The following CELSR1 variants were observed in gnomAD, a reference collection of about 807,000 sequenced individuals.
CELSR1 encodes the protein cadherin EGF LAG seven-pass G-type receptor 1.
Under a neutral mutation model 249.1 loss-of-function variants are expected in CELSR1, and 110 were observed. The observed-to-expected ratio is 0.44, with a 90% confidence interval of 0.38 to 0.52. CELSR1 has a LOEUF of 0.52. Among genes scored for constraint, CELSR1 ranks in the 20% least tolerant of loss-of-function variants. CELSR1 has a pLI of 0.00. For missense variants in CELSR1, 4,109 were observed against 4,296.4 expected, an observed-to-expected ratio of 0.96 and a Z score of 1.22; for synonymous variants, 2,113 against 1,900.0, an observed-to-expected ratio of 1.11 and a Z score of -2.92.
At chr22:46,493,010 G>A (rs536365812) in intron 1 of CELSR1, among the ~76,000 whole-genome samples, 3 of 152,306 alleles carry the variant, frequency 2.0e-5, no homozygotes, top group South Asian at 2.1e-4. Flanking sequence ...TTGGGAAACC[G>A]AGATGGGAGG....
Position 46,534,990 on chromosome 22 carries a change from G to T in CELSR1, c.2181C>A (p.Gly727=). 7 of 1,611,922 alleles carry T rather than the reference G, an allele frequency of 4.3e-6. No individual in the cohort carries two copies. The highest frequency in any genetic ancestry group is 5.9e-6 in the Non-Finnish European group (7 of 1,179,458). The change falls in exon 1 of 35, where the codon GGC becomes GGA. Residue 727 remains glycine (G), a synonymous_variant. Coordinates refer to ENST00000674500, the MANE Select transcript of CELSR1 (RefSeq NM_001378328.1). This position sits in a 1 kb window ranked among gnomAD's most constrained non-coding sequence, Gnocchi z 9.7. The part of the protein sequence containing the change: ...NSVITYQLTG[G]NTRNRFALSS... ...TGAGTGCAAAGCGGTTCCGGGTGTT[G>T]CCGCCTGTGAGCTGGTAGGTAATCA... is the stretch of plus-strand genomic sequence containing the variant.
At chr22:46,485,259 T>C (rs34533451) in intron 1 of CELSR1, among the ~76,000 whole-genome samples, 37 of 152,138 alleles carry the variant, frequency 2.4e-4, no homozygotes, top group Non-Finnish European at 4.4e-4. Context: ...TCGTTTCCAG[T>C]ATTCAAAGAC....
Position 46,439,172 on chromosome 22 carries a change from G to A in CELSR1, c.4406+17C>T, listed in dbSNP as rs746847370. 28 of 1,604,512 alleles carry A rather than the reference G, an allele frequency of 1.7e-5. No homozygotes were observed. Among genetic ancestry groups the A allele is most frequent in the Admixed American group, 6.7e-5 (4 of 59,656 alleles). On this transcript the variant is annotated intron_variant, in intron 3 of 34. Coordinates refer to ENST00000674500, the MANE Select transcript of CELSR1 (RefSeq NM_001378328.1). The stretch of plus-strand genomic sequence containing the variant: ...CCTAAAGAGACCCCCGTGTGGCGCG[G>A]CGGGACGCACACTCACGTGAGGGAG...
Position 46,365,253 on chromosome 22 carries a change from G to C in CELSR1, c.8532C>G (p.Gly2844=). ...CACCTTTGGGGGTGCTGTGGACGGC[G>C]CCCCTGGCCGGGTCCCATTTTTCCT... is the stretch of plus-strand genomic sequence containing the variant. The part of the protein sequence containing the change: ...GAEEKWDPAR[G]AVHSTPKGDA... Residue 2844 remains glycine (G), a synonymous_variant, in exon 32 of 35, where the codon GGC becomes GGG. Transcript: ENST00000674500. 6.2e-7 allele frequency: 1 copy of C among 1,612,246 alleles called. No homozygotes were observed. The highest frequency in any genetic ancestry group is 8.5e-7 in the Non-Finnish European group (1 of 1,179,908).
rs1396613057 is a variant in CELSR1 at position 46,446,238 on chromosome 22, C to T, written c.4184-6827G>A. On this transcript the variant is annotated intron_variant, in intron 2 of 34. Transcript: ENST00000674500. This position sits in a 1 kb window ranked among gnomAD's most constrained non-coding sequence, Gnocchi z 5.5. ...CACTGCAGGCCATCCTCCAGCCCCG[C>T]GTCCTCTCTCTTAGTCTCTGCATGT... is the stretch of plus-strand genomic sequence containing the variant. 2.0e-5 allele frequency among the ~76,000 whole-genome samples: 3 copies of T among 152,312 alleles called. No individual in the cohort carries two copies. The highest frequency in any genetic ancestry group is 6.5e-5 in the Admixed American group (1 of 15,310).
Position 46,377,183 on chromosome 22 carries a change from C to T in CELSR1, c.7462G>A (p.Val2488Ile), listed in dbSNP as rs199555924. The T allele has an allele frequency of 6.2e-5, 100 of 1,613,822 alleles. No homozygotes were observed. In the African/African-American group the frequency reaches 7.5e-4, roughly 12 times the overall value. ...AGCATGCGGACCAGGCTCAGGAGGA[C>T]GAAGGCCACCAGCAGGGCTGCCAGT... is the stretch of plus-strand genomic sequence containing the variant. ...LSLAALLVAF[V>I]LLSLVRMLRS... The change falls in exon 24 of 35, where the codon GTC (valine) becomes ATC (isoleucine). Residue 2488 changes from valine to isoleucine, a missense_variant. Around this residue, in one of 7 missense-constraint regions of CELSR1, gnomAD observed 1,805 missense variants for 1,831.6 expected, o/e 0.99. Transcript: ENST00000674500.
At chr22:46,377,888 G>A (rs897255246) in intron 23 of CELSR1, among the ~76,000 whole-genome samples, 1 of 152,232 alleles carries the variant, frequency 6.6e-6, no homozygotes, top group Non-Finnish European at 1.5e-5. Flanking sequence ...AAAGGACAGT[G>A]GCCTGGGCCC....
chr22:46,447,223 G>A lies in CELSR1; in HGVS notation c.4184-7812C>T, dbSNP rs1228785903. ...ATTTTTAATTCTAAAATCATCTGAA[G>A]GTAAATAGGTCAAATTTAGTGAGCT... On this transcript the variant is annotated intron_variant, in intron 2 of 34. Transcript: ENST00000674500. This position sits in a 1 kb window ranked among gnomAD's most constrained non-coding sequence, Gnocchi z 4.7. 1.3e-5 allele frequency among the ~76,000 whole-genome samples: 2 copies of A among 152,090 alleles called. No individual in the cohort carries two copies.
At chr22:46,528,894 A>T (rs2080764737) in intron 1 of CELSR1, among the ~76,000 whole-genome samples, 1 of 151,428 alleles carries the variant, frequency 6.6e-6, no homozygotes, top group South Asian at 2.1e-4. Flanking sequence ...GCGCCACTGC[A>T]CTCCAGCCTG....
intron 1 of CELSR1, among the ~76,000 whole-genome samples, chr22:46,515,442 A>C (rs1177548926): frequency 6.6e-6 from 1 of 152,090 alleles, no homozygotes; most frequent in Non-Finnish European, 1.5e-5. Flanking sequence ...GCTCACCTTA[A>C]ACACAAACTC....
Position 46,407,592 on chromosome 22 carries a change from G to A in CELSR1, c.5226+1404C>T, listed in dbSNP as rs779688450. On this transcript the variant is annotated intron_variant, in intron 9 of 34. Transcript: ENST00000674500. This position sits in a 1 kb window ranked among gnomAD's most constrained non-coding sequence, Gnocchi z 4.8. Reference sequence around the variant, plus strand: ...AGTTGCAGTGAGCTGAGGTTACGCCGTCGCACTCCAGCCTGGGCAACAAGA... The same window carrying A: ...AGTTGCAGTGAGCTGAGGTTACGCCATCGCACTCCAGCCTGGGCAACAAGA... 9.2e-5 allele frequency among the ~76,000 whole-genome samples: 14 copies of A among 151,930 alleles called. No individual in the cohort carries two copies. Among genetic ancestry groups the A allele is most frequent in the Admixed American group, 1.3e-4 (2 of 15,240 alleles).
rs376651232 is a variant in CELSR1 at position 46,369,488 on chromosome 22, T to G, written c.7872+204A>C. On this transcript the variant is annotated intron_variant, in intron 26 of 34. Transcript: ENST00000674500. Reference sequence around the variant, plus strand: ...TGGGTGCTGGACGCAGATGGTCTCATGCGGACACGACGCGAGACCTGAATC... The same window carrying G: ...TGGGTGCTGGACGCAGATGGTCTCAGGCGGACACGACGCGAGACCTGAATC... 1.2e-4 allele frequency among the ~76,000 whole-genome samples: 18 copies of G among 152,276 alleles called. No individual in the cohort carries two copies. The East Asian group carries it at 2.5e-3, about 21-fold the overall frequency.
At position 46,373,063 on chromosome 22, in the gene CELSR1, C is replaced by T. The variant is rs1473338339; in HGVS notation, c.7585-6G>A. 4 of 1,588,704 alleles carry T rather than the reference C, an allele frequency of 2.5e-6. No individual in the cohort carries two copies. In the African/African-American group the frequency reaches 4.0e-5, roughly 16 times the overall value. On this transcript the variant is annotated splice_region_variant and splice_polypyrimidine_tract_variant and intron_variant, in intron 24 of 34. Transcript: ENST00000674500. ...GCAACCACTGTGCACAGAAACTGCG[C>T]AGGGAGGGGCCGCTCAGCAAGGGCC...
In CELSR1 at chr22:46,534,131, C is replaced by A; in HGVS notation, c.3040G>T (p.Val1014Leu). ...LELFVEENNP[V>L]GSVVAKIRAN... ...CGAATCTTTGCCACCACCGACCCCA[C>A]TGGGTTGTTCTCCTCAACAAACAGC... Residue 1014 changes from valine (V) to leucine (L), a missense_variant, in exon 1 of 35, where the codon GTG becomes TTG. By Grantham distance (32) the Val-to-Leu change is conservative. This residue lies in a region of CELSR1 where 886 missense variants were observed against 896.5 expected (regional missense o/e 0.99). Transcript: ENST00000674500. The surrounding 1 kb of genome is among the most constrained non-coding windows in gnomAD (Gnocchi z 9.7). 1.2e-6 allele frequency: 2 copies of A among 1,613,840 alleles called. No individual in the cohort carries two copies. The highest frequency in any genetic ancestry group is 1.7e-6 in the Non-Finnish European group (2 of 1,180,050).
In CELSR1 at chr22:46,488,649, G is replaced by A. The variant is rs1372697302; in HGVS notation, c.3545-24304C>T. 2.8e-5 allele frequency among the ~76,000 whole-genome samples: 4 copies of A among 144,296 alleles called. No homozygotes were observed. Among genetic ancestry groups the A allele is most frequent in the Admixed American group, 7.1e-5 (1 of 14,030 alleles). 94.7% of individuals were successfully genotyped at this position (144,296 alleles called of 152,430 possible). A position where few individuals can be genotyped will look rare whatever the true frequency, so the allele number is the denominator to read the frequency against. ...CTACGGCACAGCAGTGACCACTCCC[G>A]TGCCACAGCCCTGCCCTTTTTTTTT... On this transcript the variant is annotated intron_variant, in intron 1 of 34. Transcript: ENST00000674500. The surrounding 1 kb of genome is among the most constrained non-coding windows in gnomAD (Gnocchi z 4.7).
At position 46,448,580 on chromosome 22, in the gene CELSR1, G is replaced by C; in HGVS notation, c.4184-9169C>G. The C allele has an allele frequency of 2.3e-6, 1 of 437,122 alleles. No homozygotes were observed. The highest frequency in any genetic ancestry group is 4.5e-6 in the Non-Finnish European group (1 of 220,156). 27.1% of individuals were successfully genotyped at this position (437,122 alleles called of 1,614,324 possible). On this transcript the variant is annotated intron_variant, in intron 2 of 34. Coordinates refer to ENST00000674500, the MANE Select transcript of CELSR1 (RefSeq NM_001378328.1). The surrounding 1 kb of genome is among the most constrained non-coding windows in gnomAD (Gnocchi z 5.7). ...GTCCTAAGAAACAGCTAAGAGCTTT[G>C]AACTAGAAAAACTAGAATTTCCAAA...
chr22:46,400,674 G>A (rs2079201785), intron 9 of CELSR1, among the ~76,000 whole-genome samples: 1 of 152,150 alleles, frequency 6.6e-6, no homozygotes, highest in Non-Finnish European at 1.5e-5. Context: ...AAAGTTGGCT[G>A]GGCGTGGTGG....
rs373234918 is a variant in CELSR1 at position 46,428,149 on chromosome 22, C to T, written c.4611+5244G>A. Among the ~76,000 whole-genome samples the T allele has an allele frequency of 3.9e-5, 6 of 152,212 alleles. No homozygotes were observed. The South Asian group carries it at 6.2e-4, about 16-fold the overall frequency. Reference sequence around the variant, plus strand: ...TCAACAGAAGCAGAGGCCGGTCCTCCGGTTTGTTGCAACCGGGCCTCATGC... The same window carrying T: ...TCAACAGAAGCAGAGGCCGGTCCTCTGGTTTGTTGCAACCGGGCCTCATGC... On this transcript the variant is annotated intron_variant, in intron 5 of 34. Coordinates refer to ENST00000674500, the MANE Select transcript of CELSR1 (RefSeq NM_001378328.1). This position sits in a 1 kb window ranked among gnomAD's most constrained non-coding sequence, Gnocchi z 5.7.
chr22:46,531,126 T>G (rs1408700203), intron 1 of CELSR1, among the ~76,000 whole-genome samples: 1 of 152,258 alleles, frequency 6.6e-6, no homozygotes. Context: ...TAGTCAATAG[T>G]GATTTACTTA....
Sources: gnomAD v4.1 joint callset for allele counts (sites outside exome capture counted in the v4.1 genomes callset) on GRCh38, gnomAD v4.1.1 for gene constraint, gnomAD v4.1.1 regional missense constraint, Gnocchi (gnomAD v3.1) non-coding constraint, MANE v1.5 for transcripts, NCBI Gene and HGNC (gene_info 2026-07-23, HGNC 2026-07-21) for gene names.